The following TDRD5 variants were observed in gnomAD, a reference collection of about 807,000 sequenced individuals.
TDRD5 encodes tudor domain containing 5.
In TDRD5, 41 loss-of-function variants were observed where a neutral mutation model predicts 120.6. The ratio of observed to expected loss-of-function variants is 0.34; its 90% CI spans 0.26 to 0.44. The LOEUF (loss-of-function observed/expected upper bound fraction) is 0.44. TDRD5 is among the 20% of genes least tolerant of loss of function. The pLI is 1.00. For synonymous variants in TDRD5, 430 were observed against 433.7 expected (o/e 0.99, Z 0.11); for missense variants, 1,006 against 1,221.2 (o/e 0.82, Z 2.63).
At chr1:179,623,625 C>CTTTTTTTTTTTTTTTTT (rs11428251) in intron 6 of TDRD5, among the ~76,000 whole-genome samples, 1 of 97,908 alleles carries the variant, frequency 1.0e-5, no homozygotes, top group Non-Finnish European at 1.9e-5. Context: ...CCAACTCATT[C>CTTTTTTTTTTTTTTTTT]TTTTTTTTTT....
intron 6 of TDRD5, among the ~76,000 whole-genome samples, chr1:179,625,195 A>G (rs1190440366): frequency 6.6e-6 from 1 of 152,032 alleles, no homozygotes; most frequent in Non-Finnish European, 1.5e-5. Context: ...TTCAAGATGT[A>G]TCATAGACCT....
chr1:179,675,986 T>G (rs1680128759), intron 17 of TDRD5, among the ~76,000 whole-genome samples: 1 of 152,230 alleles, frequency 6.6e-6, no homozygotes, highest in Non-Finnish European at 1.5e-5. Context: ...CGTCGATATC[T>G]CATTTCTTAG....
intron 11 of TDRD5, among the ~76,000 whole-genome samples, chr1:179,648,393 A>G (rs1678512835): frequency 7.9e-6 from 1 of 126,684 alleles, no homozygotes; most frequent in African/African-American, 2.8e-5. Context: ...TGGGAATTGA[A>G]CAATGAGAAC....
intron 14 of TDRD5, among the ~76,000 whole-genome samples, chr1:179,659,682 G>A (rs1301671205): frequency 7.0e-6 from 1 of 142,750 alleles, no homozygotes; most frequent in African/African-American, 3.0e-5. Context: ...CATATAGTTT[G>A]ATTATTTATT....
intron 4 of TDRD5, among the ~76,000 whole-genome samples, chr1:179,597,140 CTG>C (rs1313777236): frequency 2.0e-5 from 3 of 152,054 alleles, no homozygotes; most frequent in Admixed American, 6.6e-5. Flanking sequence ...TTTTATAAAA[CTG>C]TGTTGTCATT....
chr1:179,622,567 A>C (rs912241898), intron 6 of TDRD5, among the ~76,000 whole-genome samples: 5 of 152,198 alleles, frequency 3.3e-5, no homozygotes, highest in Non-Finnish European at 5.9e-5. Context: ...AGGAGATAAG[A>C]TATTTCAGTG....
At chr1:179,643,968 A>C (rs1678198699) in intron 11 of TDRD5, among the ~76,000 whole-genome samples, 1 of 152,200 alleles carries the variant, frequency 6.6e-6, no homozygotes, top group South Asian at 2.1e-4. Flanking sequence ...AAATACAGGA[A>C]ACAATAATAT....
At chr1:179,608,386 G>A (rs1381752117) in intron 4 of TDRD5, among the ~76,000 whole-genome samples, 2 of 151,848 alleles carry the variant, frequency 1.3e-5, no homozygotes, top group Non-Finnish European at 2.9e-5. Context: ...CTCCTCTTTT[G>A]GAGTACAATC....
chr1:179,686,961 C>T (rs1290429019), intron 17 of TDRD5, among the ~76,000 whole-genome samples: 2 of 151,976 alleles, frequency 1.3e-5, no homozygotes, highest in African/African-American at 4.8e-5. Flanking sequence ...TGCTAGTGTT[C>T]TATCTCCTTT....
At chr1:179,651,487 G>A (rs896482070) in intron 12 of TDRD5, among the ~76,000 whole-genome samples, 3 of 151,840 alleles carry the variant, frequency 2.0e-5, no homozygotes, top group African/African-American at 7.3e-5. Flanking sequence ...AAAATAAAAA[G>A]TTATCTGAAA....
At chr1:179,640,812 G>A (rs1678002883) in intron 11 of TDRD5, among the ~76,000 whole-genome samples, 1 of 152,220 alleles carries the variant, frequency 6.6e-6, no homozygotes, top group South Asian at 2.1e-4. Context: ...ATTTTAAGTA[G>A]TTCTGTTTGG....
chr1:179,615,032 C>T (rs1483538406), intron 4 of TDRD5, among the ~76,000 whole-genome samples: 1 of 152,146 alleles, frequency 6.6e-6, no homozygotes, highest in Non-Finnish European at 1.5e-5. Context: ...TCTCAATCCT[C>T]CCACCCCTCA....
At chr1:179,664,812 C>T (rs1235084004) in intron 16 of TDRD5, among the ~76,000 whole-genome samples, 1 of 152,070 alleles carries the variant, frequency 6.6e-6, no homozygotes, top group Non-Finnish European at 1.5e-5. Context: ...AGATATATAA[C>T]TAGGAGTGGA....
intron 4 of TDRD5, among the ~76,000 whole-genome samples, chr1:179,600,520 C>T (rs1278512266): frequency 6.6e-6 from 1 of 152,156 alleles, no homozygotes; most frequent in African/African-American, 2.4e-5. Context: ...AATGAAATCA[C>T]CTAATAATGC....
At chr1:179,618,507 A>G in intron 4 of TDRD5, 92 bp from the exon 5 acceptor site, 2 of 824,468 alleles carry the variant, frequency 2.4e-6, no homozygotes, top group South Asian at 4.6e-5. Context: ...GTCTCCTTTT[A>G]TAGATTTTTT....
intron 14 of TDRD5, among the ~76,000 whole-genome samples, chr1:179,655,025 C>T (rs948847652): frequency 2.0e-5 from 3 of 152,128 alleles, no homozygotes; most frequent in African/African-American, 7.2e-5. Flanking sequence ...TGTTTATGTA[C>T]ACAAAACTTA....
In TDRD5 at chr1:179,593,681, G is replaced by A; in HGVS notation, c.454G>A (p.Asp152Asn). Residue 152 changes from aspartate to asparagine, a missense_variant, in exon 3 of 18, where the codon GAT (aspartate) becomes AAT (asparagine). This residue lies in a region of TDRD5 where 445 missense variants were observed against 515.5 expected (regional missense o/e 0.86). Coordinates refer to ENST00000444136, the MANE Select transcript of TDRD5 (RefSeq NM_001199085.3). ...GGCGTTATCTCCTGTTCTTCTTTCT[G>A]ATTTTGAAAAGGCATTTGCCAAAAG... ...LLALSPVLLSDFEKAFAKRFG... is the reference protein window; with the variant it reads ...LLALSPVLLSNFEKAFAKRFG... 2 of 1,614,216 alleles carry A rather than the reference G, an allele frequency of 1.2e-6. No homozygotes were observed. Among genetic ancestry groups the A allele is most frequent in the Non-Finnish European group, 1.7e-6 (2 of 1,180,028 alleles).
intron 1 of TDRD5, chr1:179,592,339 C>T: frequency 2.6e-6 from 1 of 391,276 alleles, no homozygotes; most frequent in East Asian, 5.6e-5. Flanking sequence ...CGTTGGAGTC[C>T]AACACCCGAC....
intron 4 of TDRD5, among the ~76,000 whole-genome samples, chr1:179,615,497 C>T (rs776721731): frequency 6.6e-6 from 1 of 152,014 alleles, no homozygotes; most frequent in Non-Finnish European, 1.5e-5. Context: ...CCTATAAGCT[C>T]CTATCTGAAT....
Sources: gnomAD v4.1 joint callset for allele counts (sites outside exome capture counted in the v4.1 genomes callset) on GRCh38, gnomAD v4.1.1 for gene constraint, gnomAD v4.1.1 regional missense constraint, MANE v1.5 for transcripts, NCBI Gene and HGNC (gene_info 2026-07-23, HGNC 2026-07-21) for gene names.